SPTLC2: variants seen among roughly 807,000 people sequenced by gnomAD.
SPTLC2 encodes serine palmitoyltransferase 2.
In SPTLC2, 21 loss-of-function variants were observed where a neutral mutation model predicts 62.0. That is an observed-to-expected ratio of 0.34 (90% CI 0.24 to 0.49). The LOEUF (loss-of-function observed/expected upper bound fraction) is 0.49. Ranked by LOEUF, SPTLC2 falls within the 20% of genes least tolerant of loss-of-function variation. The pLI is 0.99. For synonymous variants in SPTLC2, 261 were observed against 261.8 expected (o/e 1.00, Z 0.03); for missense variants, 511 against 713.0 (o/e 0.72, Z 3.23).
intron 9 of SPTLC2, among the ~76,000 whole-genome samples, chr14:77,530,328 A>AT (rs1555373729): frequency 0.16 from 23,985 of 149,378 alleles, 2,088 homozygotes; most frequent in Middle Eastern, 0.23. Context: ...AAAAAAAAAA[A>AT]TATTTATTTA....
rs774956287 is a variant in SPTLC2, at chr14:77,578,966, G to T, written c.471C>A (p.Asn157Lys). ...DIMERQSHDY[N>K]WSFKYTGNII... ...CAACCAAGACTCACTTGAAGGACCA[G>T]TTATAATCATGAGACTGTCTCTCCA... Residue 157 changes from asparagine to lysine, a missense_variant, in exon 3 of 12, where the codon AAC (asparagine) becomes AAA (lysine). By Grantham distance (94) the Asn-to-Lys change is moderately conservative (BLOSUM62 0). Coordinates refer to ENST00000216484, the MANE Select transcript of SPTLC2 (RefSeq NM_004863.4). The T allele has an allele frequency of 6.2e-7, 1 of 1,614,046 alleles. No individual in the cohort carries two copies. Among genetic ancestry groups the T allele is most frequent in the Non-Finnish European group, 8.5e-7 (1 of 1,179,980 alleles).
In SPTLC2 at chr14:77,579,125, G is replaced by T; in HGVS notation, c.328-16C>A. 6.2e-7 allele frequency: 1 copy of T among 1,613,628 alleles called. No individual in the cohort carries two copies. On this transcript the variant is annotated splice_polypyrimidine_tract_variant and intron_variant, in intron 2 of 11. Transcript: ENST00000216484. ...ACACAAAGTCCTGCCAAGAAATGGT[G>T]ACATACCATAAATTTAACTGAGTTA...
intron 5 of SPTLC2, among the ~76,000 whole-genome samples, chr14:77,567,920 T>C (rs1374957569): frequency 6.6e-6 from 1 of 152,054 alleles, no homozygotes; most frequent in Admixed American, 6.6e-5. Flanking sequence ...TGGGACCAGA[T>C]GTGTTTCAGA....
At position 77,512,960 on chromosome 14, in the gene SPTLC2, C is replaced by T. The variant is rs2267745; in HGVS notation, c.1570-557G>A. 8.6e-5 allele frequency among the ~76,000 whole-genome samples: 13 copies of T among 151,534 alleles called. No individual in the cohort carries two copies. In the East Asian group the frequency reaches 1.4e-3, roughly 16 times the overall value. On this transcript the variant is annotated intron_variant, in intron 11 of 11. Transcript: ENST00000216484. The stretch of plus-strand genomic sequence containing the variant: ...TGAACTCCCAACCTCAAGTGATCCA[C>T]CACCTTGGCCTCCCAAAGTGTTGGG...
chr14:77,579,229 C>T (rs961652005), intron 2 of SPTLC2, 120 bp from the exon 3 acceptor site: 5 of 990,292 alleles, frequency 5.0e-6, no homozygotes, highest in South Asian at 2.8e-5. Flanking sequence ...AATTTCATTA[C>T]GTGCAAGATT....
chr14:77,597,759 G>C (rs776870885), intron 1 of SPTLC2, among the ~76,000 whole-genome samples: 2 of 145,962 alleles, frequency 1.4e-5, no homozygotes, highest in South Asian at 4.3e-4. Context: ...GGGTGACAGA[G>C]CAAGACTCCG....
chr14:77,519,517 G>C (rs1330197955), intron 10 of SPTLC2, among the ~76,000 whole-genome samples: 1 of 151,730 alleles, frequency 6.6e-6, no homozygotes, highest in East Asian at 2.0e-4. Context: ...AGGAGTTGGA[G>C]ACCAGCCTGG....
At chr14:77,569,594 A>T (rs1435713121) in intron 5 of SPTLC2, among the ~76,000 whole-genome samples, 1 of 151,496 alleles carries the variant, frequency 6.6e-6, no homozygotes, top group Non-Finnish European at 1.5e-5. Context: ...CTCCTGCTTG[A>T]GTTAATCCAC....
chr14:77,556,837 A>G (rs2079586771), intron 7 of SPTLC2, among the ~76,000 whole-genome samples: 1 of 152,250 alleles, frequency 6.6e-6, no homozygotes, highest in South Asian at 2.1e-4. Context: ...TTTGGTGACC[A>G]TGTAGTATTA....
intron 1 of SPTLC2, among the ~76,000 whole-genome samples, chr14:77,609,919 T>C (rs2079926163): frequency 1.3e-5 from 2 of 152,126 alleles, no homozygotes; most frequent in Non-Finnish European, 2.9e-5. Context: ...ATAATTAATA[T>C]ACAAGTTTCT....
At chr14:77,613,751 T>C (rs1485202271) in intron 1 of SPTLC2, among the ~76,000 whole-genome samples, 1 of 152,212 alleles carries the variant, frequency 6.6e-6, no homozygotes, top group Non-Finnish European at 1.5e-5. Context: ...CACACAGCTG[T>C]ATGCGTATTT....
chr14:77,535,881 A>G lies in SPTLC2; in HGVS notation c.1304-14300T>C, dbSNP rs1429677285. ...ATAACAATGAGATATGGAGAAGTAGACAGGTTCAAAGATATTAAGGAAGCA... is the reference window on the plus strand; with the variant it reads ...ATAACAATGAGATATGGAGAAGTAGGCAGGTTCAAAGATATTAAGGAAGCA... On this transcript the variant is annotated intron_variant, in intron 9 of 11. Transcript: ENST00000216484. 3 of 431,486 alleles carry G rather than the reference A, an allele frequency of 7.0e-6. No homozygotes were observed. In the East Asian group the frequency reaches 2.2e-4, roughly 32 times the overall value. The allele number at this position is 431,486 out of a possible 1,614,324, so 26.7% of individuals were successfully genotyped here.
chr14:77,524,015 G>T (rs1310642016), intron 9 of SPTLC2, among the ~76,000 whole-genome samples: 1 of 152,124 alleles, frequency 6.6e-6, no homozygotes, highest in Non-Finnish European at 1.5e-5. Context: ...AGCAGATATG[G>T]ATGTTAAAGG....
At position 77,557,104 on chromosome 14, in the gene SPTLC2, T is replaced by C. The variant is rs757940600; in HGVS notation, c.893A>G (p.Tyr298Cys). The C allele has an allele frequency of 3.1e-6, 5 of 1,613,932 alleles. No homozygotes were observed. In the African/African-American group the frequency reaches 6.7e-5, roughly 22 times the overall value. Residue 298 changes from tyrosine (Y) to cysteine (C), a missense_variant, in exon 7 of 12, where the codon TAT becomes TGT. Physicochemically the swap from Tyr to Cys is radical, Grantham distance 194. Coordinates refer to ENST00000216484, the MANE Select transcript of SPTLC2 (RefSeq NM_004863.4). ...GGGCCTTCGTGTCCGAGGCTGACCA[T>C]AAACAATGGCATCTTTCAATAGCTT... is the stretch of plus-strand genomic sequence containing the variant. The part of the protein sequence containing the change: ...LEKLLKDAIV[Y>C]GQPRTRRPWK...
In SPTLC2 at chr14:77,562,405, T is replaced by G. The variant is rs2140026532; in HGVS notation, c.841A>C (p.Lys281Gln). 6.2e-7 allele frequency: 1 copy of G among 1,614,174 alleles called. No individual in the cohort carries two copies. Among genetic ancestry groups the G allele is most frequent in the African/African-American group, 1.3e-5 (1 of 75,068 alleles). Residue 281 changes from lysine (K) to glutamine (Q), a missense_variant, in exon 6 of 12, where the codon AAA becomes CAA. Coordinates refer to ENST00000216484, the MANE Select transcript of SPTLC2 (RefSeq NM_004863.4). ...RLSGATIRIFKHNNMQSLEKL... is the reference protein window; with the variant it reads ...RLSGATIRIFQHNNMQSLEKL... ...TCTTCAGCAAACTCACTGTTGTGTT[T>G]GAAGATTCTAATGGTTGCTCCTGAC...
chr14:77,587,056 G>C (rs1204603588), intron 2 of SPTLC2, among the ~76,000 whole-genome samples: 2 of 151,988 alleles, frequency 1.3e-5, no homozygotes, highest in Non-Finnish European at 2.9e-5. Context: ...AAACCCGTCT[G>C]TACTAAAAAT....
intron 9 of SPTLC2, among the ~76,000 whole-genome samples, chr14:77,541,594 G>A (rs1206479211): frequency 3.3e-5 from 5 of 152,182 alleles, no homozygotes; most frequent in African/African-American, 4.8e-5. Flanking sequence ...AAAAGAAGCA[G>A]TCTTTCCTTT....
chr14:77,525,088 T>C lies in SPTLC2; in HGVS notation c.1304-3507A>G, dbSNP rs1329665193. On this transcript the variant is annotated intron_variant, in intron 9 of 11. Coordinates refer to ENST00000216484, the MANE Select transcript of SPTLC2 (RefSeq NM_004863.4). ...ATCAGAATATTTGATACCGTATGCATCTATCAAAATATCATATGTACCCCA... is the reference window on the plus strand; with the variant it reads ...ATCAGAATATTTGATACCGTATGCACCTATCAAAATATCATATGTACCCCA... 2.6e-5 allele frequency among the ~76,000 whole-genome samples: 4 copies of C among 152,268 alleles called. No homozygotes were observed. In the East Asian group the frequency reaches 7.7e-4, roughly 29 times the overall value.
Position 77,616,457 on chromosome 14 carries a change from G to GGCGGCTGCGGCT in SPTLC2, c.111_122dup (p.Ala39_Ala42dup). On this transcript the variant is annotated inframe_insertion, in exon 1 of 12. Transcript: ENST00000216484. ...CGCGGGCCCCTCGTACCTGGCCGGC[G>GGCGGCTGCGGCT]GCGGCTGCGGCTGCGGCTGCAGCGC... 1 of 1,485,928 alleles carries GGCGGCTGCGGCT rather than the reference G, an allele frequency of 6.7e-7. No homozygotes were observed. The highest frequency in any genetic ancestry group is 8.9e-7 in the Non-Finnish European group (1 of 1,123,818). 92.0% of individuals were successfully genotyped at this position (1,485,928 alleles called of 1,614,324 possible).
Sources: allele counts gnomAD v4.1 joint callset (sites outside exome capture counted in the v4.1 genomes callset), GRCh38; gene constraint gnomAD v4.1.1; transcripts MANE v1.5; gene names NCBI Gene and HGNC (gene_info 2026-07-23, HGNC 2026-07-21).